Variants in MCF2L2 observed in about 807,000 individuals in gnomAD.
MCF2L2 encodes probable guanine nucleotide exchange factor MCF2L2.
A neutral mutation model predicts 150.2 loss-of-function variants in MCF2L2; 102 were observed. The observed-to-expected ratio is 0.68, with a 90% confidence interval of 0.58 to 0.80. MCF2L2 has a LOEUF of 0.80. Among genes scored for constraint, MCF2L2 ranks in the 30% least tolerant of loss-of-function variants. The pLI is 0.00. For missense variants in MCF2L2, 1,256 were observed against 1,372.8 expected (o/e 0.91, Z 1.34); for synonymous variants, 465 against 491.3 (o/e 0.95, Z 0.71).
intron 15 of MCF2L2, among the ~76,000 whole-genome samples, chr3:183,274,302 G>A (rs1046062773): frequency 6.6e-6 from 1 of 152,096 alleles, no homozygotes; most frequent in African/African-American, 2.4e-5. Flanking sequence ...GAAATCACCT[G>A]TAGTTATAGC....
chr3:183,418,327 C>G lies in MCF2L2; in HGVS notation c.76+9575G>C, dbSNP rs141011428. 2.2e-4 allele frequency among the ~76,000 whole-genome samples: 34 copies of G among 152,344 alleles called. No individual in the cohort carries two copies. The East Asian group carries it at 5.6e-3, about 25-fold the overall frequency. On this transcript the variant is annotated intron_variant, in intron 1 of 29. Coordinates refer to ENST00000328913, the MANE Select transcript of MCF2L2 (RefSeq NM_015078.4). ...CCCTCAACATGTGGGGACTCCAATT[C>G]AAGATGAGATTTGGATAGGAACACA...
intron 1 of MCF2L2, among the ~76,000 whole-genome samples, chr3:183,412,740 T>C (rs1339227828): frequency 6.6e-6 from 1 of 152,206 alleles, no homozygotes; most frequent in Non-Finnish European, 1.5e-5. Flanking sequence ...CTAACTGCTC[T>C]GGCTAGAACA....
At chr3:183,224,405 C>G in intron 18 of MCF2L2, 1 of 505,738 alleles carries the variant, frequency 2.0e-6, no homozygotes. Context: ...TAGATAGGCA[C>G]AGAGTGCTCT....
chr3:183,270,114 G>A lies in MCF2L2; in HGVS notation c.1862+6758C>T, dbSNP rs548273302. 1.1e-5 allele frequency: 17 copies of A among 1,613,992 alleles called. No individual in the cohort carries two copies. The highest frequency in any genetic ancestry group is 2.2e-5 in the East Asian group (1 of 44,894). ...TCCTGAAAACTATGATCGACGTTCC[G>A]GAATTAGAAGGACGTGGGGCAATGA... On this transcript the variant is annotated intron_variant, in intron 15 of 29. Coordinates refer to ENST00000328913, the MANE Select transcript of MCF2L2 (RefSeq NM_015078.4). The surrounding 1 kb of genome is among the most constrained non-coding windows in gnomAD (Gnocchi z 4.5).
At position 183,309,699 on chromosome 3, in the gene MCF2L2, A is replaced by T; in HGVS notation, c.1113+17T>A. The T allele has an allele frequency of 6.2e-7, 1 of 1,613,902 alleles. No homozygotes were observed. The highest frequency in any genetic ancestry group is 8.5e-7 in the Non-Finnish European group (1 of 1,179,946). On this transcript the variant is annotated intron_variant, in intron 10 of 29. Coordinates refer to ENST00000328913, the MANE Select transcript of MCF2L2 (RefSeq NM_015078.4). ...AGCAACCTCCCTCCCAGTACACAAA[A>T]ATGTCAGAAAGCAAACCTGGCTTTT...
In MCF2L2 at chr3:183,307,369, C is replaced by T. The variant is rs867470262; in HGVS notation, c.1113+2347G>A. Among the ~76,000 whole-genome samples, 137 of 152,330 alleles carry T rather than the reference C, an allele frequency of 9.0e-4. 3 individuals are homozygous for T. Among genetic ancestry groups the T allele is most frequent in the Middle Eastern group, 3.4e-3 (1 of 294 alleles). On this transcript the variant is annotated intron_variant, in intron 10 of 29. Coordinates refer to ENST00000328913, the MANE Select transcript of MCF2L2 (RefSeq NM_015078.4). Reference sequence around the variant, plus strand: ...AGTCTGAGGGAAGATATATTGAAAACGATCTCAGTTACGATGAGACAGCTT... The same window carrying T: ...AGTCTGAGGGAAGATATATTGAAAATGATCTCAGTTACGATGAGACAGCTT...
At chr3:183,289,684 C>T (rs1280430712) in intron 13 of MCF2L2, among the ~76,000 whole-genome samples, 2 of 152,092 alleles carry the variant, frequency 1.3e-5, no homozygotes, top group African/African-American at 2.4e-5. Context: ...GGTGAAATCC[C>T]GTCTCTATTA....
intron 15 of MCF2L2, among the ~76,000 whole-genome samples, chr3:183,266,899 G>A (rs557645009): frequency 6.6e-6 from 1 of 151,298 alleles, no homozygotes; most frequent in African/African-American, 2.4e-5. Context: ...TGATTCTCCT[G>A]CCTCAGCCTC....
chr3:183,335,380 T>C (rs1730436224), intron 5 of MCF2L2, among the ~76,000 whole-genome samples: 5 of 152,180 alleles, frequency 3.3e-5, no homozygotes, highest in Admixed American at 2.6e-4. Context: ...AAACATAGTC[T>C]ACATATAAAT....
At chr3:183,206,248 C>A (rs765092156) in intron 23 of MCF2L2, 34 bp from the exon 24 acceptor site, 1 of 1,468,882 alleles carries the variant, frequency 6.8e-7, no homozygotes, top group Admixed American at 1.7e-5. Flanking sequence ...TGTTCTATAC[C>A]ATCGTTTTCT....
At chr3:183,329,236 G>A (rs770260466) in intron 5 of MCF2L2, among the ~76,000 whole-genome samples, 5 of 152,028 alleles carry the variant, frequency 3.3e-5, no homozygotes, top group Non-Finnish European at 5.9e-5. Flanking sequence ...TCGCTCTGTC[G>A]CCCAGGCTGG....
intron 7 of MCF2L2, among the ~76,000 whole-genome samples, chr3:183,312,584 GA>G: frequency 6.6e-6 from 1 of 152,344 alleles, no homozygotes; most frequent in East Asian, 1.9e-4. Flanking sequence ...TTGAGCATTA[GA>G]ACAGGCCCAT....
chr3:183,187,230 G>A (rs892602744), intron 27 of MCF2L2, among the ~76,000 whole-genome samples: 22 of 152,112 alleles, frequency 1.4e-4, no homozygotes, highest in African/African-American at 5.3e-4. Context: ...GTGCTATACC[G>A]GATAGCTCCT....
At position 183,422,929 on chromosome 3, in the gene MCF2L2, T is replaced by A. The variant is rs1261588970; in HGVS notation, c.76+4973A>T. 9.9e-5 allele frequency among the ~76,000 whole-genome samples: 15 copies of A among 152,178 alleles called. No homozygotes were observed. In the East Asian group the frequency reaches 2.3e-3, roughly 23 times the overall value. ...GGAAATGGAACTCCAACTCCACAAC[T>A]GTTTCTTTTTAAATGTGACAAAATG... is the stretch of plus-strand genomic sequence containing the variant. On this transcript the variant is annotated intron_variant, in intron 1 of 29. Coordinates refer to ENST00000328913, the MANE Select transcript of MCF2L2 (RefSeq NM_015078.4).
chr3:183,234,212 T>TG (rs34068957), intron 15 of MCF2L2, among the ~76,000 whole-genome samples: 49,784 of 151,978 alleles, frequency 0.33, 8,449 homozygotes, highest in African/African-American at 0.41. Flanking sequence ...CAGCCTCTTA[T>TG]GCCTTCATGA....
At chr3:183,422,259 C>G (rs1715923353) in intron 1 of MCF2L2, among the ~76,000 whole-genome samples, 1 of 152,184 alleles carries the variant, frequency 6.6e-6, no homozygotes, top group South Asian at 2.1e-4. Context: ...CTCAAAATCT[C>G]CATTGTATTC....
chr3:183,278,407 T>C (rs1727290409), intron 14 of MCF2L2, among the ~76,000 whole-genome samples: 1 of 151,772 alleles, frequency 6.6e-6, no homozygotes, highest in African/African-American at 2.4e-5. Flanking sequence ...AGGATTCAAA[T>C]TCGAACCAGT....
intron 14 of MCF2L2, among the ~76,000 whole-genome samples, chr3:183,280,150 A>G (rs1268436395): frequency 6.6e-6 from 1 of 150,840 alleles, no homozygotes; most frequent in Non-Finnish European, 1.5e-5. Context: ...CAGCCTCTCC[A>G]GTTTCAAAGT....
chr3:183,329,909 A>G (rs1291730184), intron 5 of MCF2L2, among the ~76,000 whole-genome samples: 1 of 152,120 alleles, frequency 6.6e-6, no homozygotes, highest in Non-Finnish European at 1.5e-5. Flanking sequence ...GTATAACACA[A>G]TGGAAAGTAT....
Sources: allele counts gnomAD v4.1 joint callset (sites outside exome capture counted in the v4.1 genomes callset), GRCh38; gene constraint gnomAD v4.1.1; non-coding constraint Gnocchi (gnomAD v3.1); transcripts MANE v1.5; gene names NCBI Gene and HGNC (gene_info 2026-07-23, HGNC 2026-07-21).